The following AFF3 variants were observed in gnomAD, a reference collection of about 807,000 sequenced individuals.
AFF3 encodes AF4/FMR2 family member 3.
Under a neutral mutation model 129.7 loss-of-function variants are expected in AFF3, and 32 were observed. The observed-to-expected ratio is 0.25, with a 90% CI of 0.19 to 0.33. AFF3 has a LOEUF of 0.33. AFF3 is among the 10% of genes least tolerant of loss of function. The pLI is 1.00. For missense variants in AFF3, 1,373 were observed against 1,592.0 expected (o/e 0.86, Z 2.34); for synonymous variants, 644 against 635.4 (o/e 1.01, Z -0.20).
At chr2:99,680,470 T>C (rs1674423979) in intron 11 of AFF3, among the ~76,000 whole-genome samples, 1 of 152,190 alleles carries the variant, frequency 6.6e-6, no homozygotes, top group Admixed American at 6.5e-5. Context: ...ACTGGGAACA[T>C]AAAGTTTCTG....
In AFF3 at chr2:99,593,523, G is replaced by A; in HGVS notation, c.2138C>T (p.Ala713Val). The change falls in exon 15 of 25, where the codon GCC becomes GTC. Residue 713 changes from alanine (A) to valine (V), a missense_variant. By Grantham distance (64) the Ala-to-Val change is moderately conservative (BLOSUM62 0). Transcript: ENST00000672756. ...GGCCCTAGGACCACTGCCCCCGTTG[G>A]CAGCGGCCTCCTTCAGCCTCTGATC... The part of the protein sequence containing the change: ...GNDQRLKEAA[A>V]NGGSGPRAPV... The A allele has an allele frequency of 6.2e-7, 1 of 1,613,238 alleles. No homozygotes were observed. The highest frequency in any genetic ancestry group is 2.2e-5 in the East Asian group (1 of 44,830).
chr2:100,037,701 A>T (rs1685066045), intron 4 of AFF3, among the ~76,000 whole-genome samples: 1 of 124,822 alleles, frequency 8.0e-6, no homozygotes, highest in Non-Finnish European at 1.6e-5. Context: ...TATTTTATAT[A>T]TTATATATTT....
intron 13 of AFF3, among the ~76,000 whole-genome samples, chr2:99,646,349 G>A (rs1684690282): frequency 6.6e-6 from 1 of 152,170 alleles, no homozygotes; most frequent in South Asian, 2.1e-4. Flanking sequence ...AGTGTGCATG[G>A]CCAGAGCCAG....
At chr2:99,813,454 T>A (rs1686955430) in intron 8 of AFF3, among the ~76,000 whole-genome samples, 1 of 152,210 alleles carries the variant, frequency 6.6e-6, no homozygotes, top group Non-Finnish European at 1.5e-5. Flanking sequence ...AAGAATTCAC[T>A]TTGCCTTCAG....
chr2:100,113,475 A>G (rs968051217), intron 2 of AFF3, among the ~76,000 whole-genome samples: 8 of 152,238 alleles, frequency 5.3e-5, no homozygotes, highest in Non-Finnish European at 7.3e-5. Flanking sequence ...GCTTAGTGCT[A>G]TGATGAGAGA....
At chr2:99,556,691 G>GCAGTAGGC (rs1674955094) in intron 22 of AFF3, among the ~76,000 whole-genome samples, 2 of 152,146 alleles carry the variant, frequency 1.3e-5, no homozygotes, top group Non-Finnish European at 2.9e-5. Context: ...GGAGGCCAAG[G>GCAGTAGGC]CAGTAGGCTC....
rs1035190658 is a variant in AFF3, at chr2:99,554,296, G to C, written c.3559+15C>G. On this transcript the variant is annotated intron_variant, in intron 24 of 24. Transcript: ENST00000672756. ...GAGGCGGAAGCCCCTGGTTCCCCGTGGGGTGTGCGCTCACCTCGGTTTTCC... is the reference window on the plus strand; with the variant it reads ...GAGGCGGAAGCCCCTGGTTCCCCGTCGGGTGTGCGCTCACCTCGGTTTTCC... The C allele has an allele frequency of 2.5e-6, 4 of 1,613,876 alleles. No homozygotes were observed. The African/African-American group carries it at 5.3e-5, about 22-fold the overall frequency.
At chr2:99,597,692 G>A (rs573690168) in intron 14 of AFF3, among the ~76,000 whole-genome samples, 3 of 152,246 alleles carry the variant, frequency 2.0e-5, no homozygotes, top group Non-Finnish European at 4.4e-5. Context: ...ACAGAGTTTA[G>A]TGGCAGTGAG....
chr2:99,752,217 T>C lies in AFF3; in HGVS notation c.1002+4A>G, dbSNP rs1201377127. ...TATTCCTCCTGAGGGATGCAAGATC[T>C]CACCTTATTTGGAAATGGAAATTTG... On this transcript the variant is annotated splice_donor_region_variant and intron_variant, in intron 9 of 24. Coordinates refer to ENST00000672756, the MANE Select transcript of AFF3 (RefSeq NM_001386135.1). 1 of 1,608,500 alleles carries C rather than the reference T, an allele frequency of 6.2e-7. No individual in the cohort carries two copies. The highest frequency in any genetic ancestry group is 8.5e-7 in the Non-Finnish European group (1 of 1,174,994).
At chr2:99,776,245 T>C (rs1188734500) in intron 8 of AFF3, among the ~76,000 whole-genome samples, 3 of 152,216 alleles carry the variant, frequency 2.0e-5, no homozygotes, top group Non-Finnish European at 4.4e-5. Flanking sequence ...AAAATTATTT[T>C]GGGCAAATTT....
chr2:99,979,287 C>A (rs1307794765), intron 7 of AFF3, among the ~76,000 whole-genome samples: 4 of 152,020 alleles, frequency 2.6e-5, no homozygotes, highest in Non-Finnish European at 5.9e-5. Context: ...ACTAGCTCAT[C>A]TTAGTGAGAG....
chr2:99,668,864 A>T (rs934292968), intron 12 of AFF3, among the ~76,000 whole-genome samples: 2 of 152,138 alleles, frequency 1.3e-5, no homozygotes, highest in Admixed American at 1.3e-4. Flanking sequence ...GGCCGACCTA[A>T]CATCATTTTT....
At chr2:99,725,744 T>C (rs1403697069) in intron 11 of AFF3, among the ~76,000 whole-genome samples, 1 of 152,254 alleles carries the variant, frequency 6.6e-6, no homozygotes, top group African/African-American at 2.4e-5. Flanking sequence ...AAATTAAATG[T>C]AGGATGCTAG....
intron 11 of AFF3, among the ~76,000 whole-genome samples, chr2:99,683,641 A>G (rs1411457930): frequency 1.1e-4 from 17 of 151,850 alleles, no homozygotes; most frequent in Admixed American, 1.1e-3. Flanking sequence ...AGGTTTTGTT[A>G]TGTTGCCCAG....
intron 7 of AFF3, among the ~76,000 whole-genome samples, chr2:99,863,269 G>A (rs1216524270): frequency 6.6e-6 from 1 of 152,202 alleles, no homozygotes; most frequent in African/African-American, 2.4e-5. Context: ...GTGCTAAAAG[G>A]ATAACTATTT....
In AFF3 at chr2:99,601,583, G is replaced by A; in HGVS notation, c.1223C>T (p.Pro408Leu). 6.3e-7 allele frequency: 1 copy of A among 1,599,136 alleles called. No individual in the cohort carries two copies. Among genetic ancestry groups the A allele is most frequent in the South Asian group, 1.1e-5 (1 of 89,176 alleles). ...VQQPNCRTSV[P>L]SSKGSSSSSS... Reference sequence around the variant, plus strand: ...GCTGCTGCTGCTGCCCTTGCTGGAAGGCACCGAGGTTCTGCAGTTGGGCTG... The same window carrying A: ...GCTGCTGCTGCTGCCCTTGCTGGAAAGCACCGAGGTTCTGCAGTTGGGCTG... Residue 408 changes from proline (P) to leucine (L), a missense_variant, in exon 14 of 25, where the codon CCT becomes CTT. Coordinates refer to ENST00000672756, the MANE Select transcript of AFF3 (RefSeq NM_001386135.1).
At chr2:100,108,837 G>A (rs990587001) in intron 2 of AFF3, among the ~76,000 whole-genome samples, 51 of 149,820 alleles carry the variant, frequency 3.4e-4, no homozygotes, top group Non-Finnish European at 3.2e-4. Context: ...GTAAGTAGTT[G>A]CTGAGGTTTT....
At chr2:99,673,712 C>T (rs1687370170) in intron 11 of AFF3, among the ~76,000 whole-genome samples, 2 of 152,138 alleles carry the variant, frequency 1.3e-5, no homozygotes, top group African/African-American at 4.8e-5. Context: ...CTAAAATGTA[C>T]CTAGTGTCCT....
At chr2:99,990,436 G>A (rs1210579498) in intron 7 of AFF3, among the ~76,000 whole-genome samples, 2 of 152,038 alleles carry the variant, frequency 1.3e-5, no homozygotes, top group African/African-American at 4.8e-5. Context: ...TATGCTGTGT[G>A]TACACATAGC....
Sources: allele counts gnomAD v4.1 joint callset (sites outside exome capture counted in the v4.1 genomes callset), GRCh38; gene constraint gnomAD v4.1.1; transcripts MANE v1.5; gene names NCBI Gene and HGNC (gene_info 2026-07-23, HGNC 2026-07-21).